The following RYR1 variants were observed in gnomAD, a reference collection of about 807,000 sequenced individuals.
The protein encoded by RYR1 is central core disease of muscle.
Under a neutral mutation model 583.5 loss-of-function variants are expected in RYR1, and 342 were observed. The ratio of observed to expected loss-of-function variants is 0.59; its 90% CI spans 0.54 to 0.64. RYR1 has a LOEUF of 0.64. RYR1 is among the 30% of genes least tolerant of loss of function. The pLI is 0.00. For missense variants in RYR1, 6,032 were observed against 6,917.2 expected (o/e 0.87, Z 4.54); for synonymous variants, 2,791 against 2,822.5 (o/e 0.99, Z 0.35).
intron 89 of RYR1, among the ~76,000 whole-genome samples, chr19:38,550,723 C>T (rs901461253): frequency 6.6e-6 from 1 of 152,034 alleles, no homozygotes; most frequent in Non-Finnish European, 1.5e-5. Flanking sequence ...TTGGTTAACT[C>T]GGTGTTCACC....
In RYR1 at chr19:38,500,005, C is replaced by G; in HGVS notation, c.7312C>G (p.Pro2438Ala). ...ALIDLLGRCA[P>A]EMHLIQAGKG... ...GATCGACCTGCTCGGACGCTGTGCA[C>G]CAGAGATGCATGTGAGACCCTGAGC... The change falls in exon 45 of 106, where the codon CCA becomes GCA. Residue 2438 changes from proline to alanine, a missense_variant. Transcript: ENST00000359596. This position sits in a 1 kb window ranked among gnomAD's most constrained non-coding sequence, Gnocchi z 5.9. 6.2e-7 allele frequency: 1 copy of G among 1,614,024 alleles called. No homozygotes were observed. The highest frequency in any genetic ancestry group is 2.2e-5 in the East Asian group (1 of 44,874).
intron 2 of RYR1, among the ~76,000 whole-genome samples, chr19:38,442,077 G>T (rs1400348364): frequency 6.6e-6 from 1 of 151,890 alleles, no homozygotes; most frequent in Non-Finnish European, 1.5e-5. Context: ...ACGGGTTAGT[G>T]GGGAGGGTTA....
intron 12 of RYR1, among the ~76,000 whole-genome samples, chr19:38,452,126 C>A (rs1306271723): frequency 1.7e-4 from 12 of 68,868 alleles, no homozygotes; most frequent in Non-Finnish European, 2.1e-4. Context: ...CCGCCTCTAC[C>A]AAAAAAAAAA....
intron 69 of RYR1, chr19:38,523,679 C>A (rs1971326637): frequency 1.6e-6 from 1 of 620,092 alleles, no homozygotes; most frequent in East Asian, 2.7e-5. Context: ...CCATTTCTTT[C>A]TTCCTCTCCC....
chr19:38,577,918 G>C lies in RYR1; in HGVS notation c.14173G>C (p.Val4725Leu), dbSNP rs1049117716. The C allele has an allele frequency of 6.2e-7, 1 of 1,614,064 alleles. No individual in the cohort carries two copies. The highest frequency in any genetic ancestry group is 1.7e-5 in the Admixed American group (1 of 59,980). The change falls in exon 98 of 106, where the codon GTC becomes CTC. Residue 4725 changes from valine to leucine, a missense_variant and splice_region_variant. Physicochemically the swap from Val to Leu is conservative, Grantham distance 32. Coordinates refer to ENST00000359596, the MANE Select transcript of RYR1 (RefSeq NM_000540.3). ...NYWDKFVKRK[V>L]LDKHGDIYGR... ...CACAGCCTGATGCTCTCTTGTGCAG[G>C]TCCTGGACAAACATGGGGACATCTA...
At chr19:38,528,232 G>A (rs1337416692) in intron 73 of RYR1, 74 bp from the exon 74 acceptor site, 1 of 1,235,714 alleles carries the variant, frequency 8.1e-7, no homozygotes, top group South Asian at 1.2e-5. Flanking sequence ...GACACAGCTG[G>A]GCAGTTTCAT....
chr19:38,581,270 G>A (rs1291947362), intron 101 of RYR1, among the ~76,000 whole-genome samples: 1 of 152,122 alleles, frequency 6.6e-6, no homozygotes, highest in Non-Finnish European at 1.5e-5. Flanking sequence ...GTAGAGCCGG[G>A]GTTTCACCAT....
intron 102 of RYR1, among the ~76,000 whole-genome samples, chr19:38,585,414 A>T (rs1211198626): frequency 4.4e-4 from 65 of 147,120 alleles, no homozygotes; most frequent in African/African-American, 1.6e-3. Flanking sequence ...ATGTGTTTAT[A>T]TATATTTATA....
At chr19:38,490,330 A>G in intron 36 of RYR1, 54 bp downstream of exon 36, 1 of 1,520,478 alleles carries the variant, frequency 6.6e-7, no homozygotes, top group Non-Finnish European at 9.0e-7. Flanking sequence ...CAACCTCAAC[A>G]TCTCCTGACT....
rs199660276 is a variant in RYR1, at chr19:38,561,429, A to T, written c.12599A>T (p.Asn4200Ile). Residue 4200 changes from asparagine to isoleucine, a missense_variant, in exon 90 of 106, where the codon AAC becomes ATC. Asn to Ile is a moderately radical substitution (Grantham distance 149, BLOSUM62 -3). This residue lies in a region of RYR1 where 753 missense variants were observed against 759.6 expected (regional missense o/e 0.99). Transcript: ENST00000359596. This position sits in a 1 kb window ranked among gnomAD's most constrained non-coding sequence, Gnocchi z 4.8. ...ATCTACTTCGAGATCTCAGAGACCA[A>T]CCGCGCCCAGTGGGAGATGCCCCAG... ...ERIYFEISETNRAQWEMPQVK... is the reference protein window; with the variant it reads ...ERIYFEISETIRAQWEMPQVK... 1.9e-6 allele frequency: 3 copies of T among 1,610,190 alleles called. No homozygotes were observed. Among genetic ancestry groups the T allele is most frequent in the East Asian group, 2.2e-5 (1 of 44,856 alleles).
rs2145712058 is a variant in RYR1 at position 38,525,427 on chromosome 19, G to C, written c.10551G>C (p.Met3517Ile). The C allele has an allele frequency of 3.7e-6, 6 of 1,614,006 alleles. No individual in the cohort carries two copies. In the East Asian group the frequency reaches 1.3e-4, roughly 36 times the overall value. ...TSLIVATLKKMLPIGLNMCAP... is the reference protein window; with the variant it reads ...TSLIVATLKKILPIGLNMCAP... Reference sequence around the variant, plus strand: ...TGATCGTGGCCACACTGAAGAAGATGCTGCCCATCGGCCTGAATATGTGTG... The same window carrying C: ...TGATCGTGGCCACACTGAAGAAGATCCTGCCCATCGGCCTGAATATGTGTG... The change falls in exon 71 of 106, where the codon ATG becomes ATC. Residue 3517 changes from methionine (M) to isoleucine (I), a missense_variant. Transcript: ENST00000359596.
rs1966888885 is a variant in RYR1 at position 38,448,213 on chromosome 19, C to A, written c.801-142C>A. 4.2e-6 allele frequency: 4 copies of A among 947,446 alleles called. No individual in the cohort carries two copies. The African/African-American group carries it at 4.9e-5, about 12-fold the overall frequency. The allele number at this position is 947,446 out of a possible 1,614,324, so 58.7% of individuals were successfully genotyped here. On this transcript the variant is annotated intron_variant, in intron 9 of 105. Coordinates refer to ENST00000359596, the MANE Select transcript of RYR1 (RefSeq NM_000540.3). ...TTGGGAGGCCGAGGTGGGAGGATTG[C>A]TTGAGCCCTGGAGTTCAAGATCAGC...
At chr19:38,506,094 A>G in intron 54 of RYR1, 148 bp downstream of exon 54, 1 of 1,188,752 alleles carries the variant, frequency 8.4e-7, no homozygotes, top group Admixed American at 2.1e-5. Flanking sequence ...AGATCTGGGA[A>G]AGGAGAGGGC....
intron 39 of RYR1, among the ~76,000 whole-genome samples, chr19:38,495,702 TG>T (rs986505140): frequency 6.6e-6 from 1 of 152,052 alleles, no homozygotes; most frequent in African/African-American, 2.4e-5. Flanking sequence ...GAGCCTGCCT[TG>T]GGTGCACGCC....
Position 38,519,473 on chromosome 19 carries a change from T to A in RYR1, c.10259+19T>A. The A allele has an allele frequency of 6.3e-7, 1 of 1,581,062 alleles. No individual in the cohort carries two copies. The highest frequency in any genetic ancestry group is 8.6e-7 in the Non-Finnish European group (1 of 1,164,814). Reference sequence around the variant, plus strand: ...ACAACAGGTCAGCGGGGCCCCGCTGTCCCCATGCCCTCCGCCCCGACCTCC... The same window carrying A: ...ACAACAGGTCAGCGGGGCCCCGCTGACCCCATGCCCTCCGCCCCGACCTCC... On this transcript the variant is annotated intron_variant, in intron 67 of 105. Transcript: ENST00000359596.
At chr19:38,463,389 C>A (rs781769253) in intron 20 of RYR1, 34 bp from the exon 21 acceptor site, 20 of 1,585,592 alleles carry the variant, frequency 1.3e-5, no homozygotes, top group African/African-American at 9.4e-5. Context: ...GGTAGAGGGA[C>A]CTTGGGGTCT....
At position 38,485,557 on chromosome 19, in the gene RYR1, T is replaced by C. The variant is rs370971702; in HGVS notation, c.4935-33T>C. The C allele has an allele frequency of 6.5e-5, 104 of 1,604,920 alleles. No individual in the cohort carries two copies. The African/African-American group carries it at 1.1e-3, about 18-fold the overall frequency. On this transcript the variant is annotated intron_variant, in intron 33 of 105. Coordinates refer to ENST00000359596, the MANE Select transcript of RYR1 (RefSeq NM_000540.3). Reference sequence around the variant, plus strand: ...TTGACTGATGCAGGAGGCTCATTCATCTGTCCCTGTCTGTTTCCCACCTCT... The same window carrying C: ...TTGACTGATGCAGGAGGCTCATTCACCTGTCCCTGTCTGTTTCCCACCTCT...
chr19:38,453,277 G>A lies in RYR1; in HGVS notation c.1440+263G>A, dbSNP rs1967186010. ...CAGGGCGTATGGCCGACCAGGGGGC[G>A]GGGCCTGGAGAGAAGGATGGAATAA... On this transcript the variant is annotated intron_variant, in intron 13 of 105. Coordinates refer to ENST00000359596, the MANE Select transcript of RYR1 (RefSeq NM_000540.3). Among the ~76,000 whole-genome samples the A allele has an allele frequency of 2.6e-5, 4 of 151,922 alleles. No individual in the cohort carries two copies. In the South Asian group the frequency reaches 6.2e-4, roughly 24 times the overall value.
In RYR1 at chr19:38,565,244, G is replaced by T; in HGVS notation, c.12910G>T (p.Ala4304Ser). 1.0e-6 allele frequency: 1 copy of T among 989,910 alleles called. No homozygotes were observed. The allele number at this position is 989,910 out of a possible 1,614,324, so 61.3% of individuals were successfully genotyped here. Reference protein sequence around the residue: ...TARVVAAAGRALRGLSYRSLR... With the variant: ...TARVVAAAGRSLRGLSYRSLR... Reference sequence around the variant, plus strand: ...GCGGGTTGTGGCGGCCGCAGGCCGGGCCCTGCGAGGCCTCAGCTACCGCAG... The same window carrying T: ...GCGGGTTGTGGCGGCCGCAGGCCGGTCCCTGCGAGGCCTCAGCTACCGCAG... Residue 4304 changes from alanine (A) to serine (S), a missense_variant, in exon 91 of 106, where the codon GCC (alanine) becomes TCC (serine). Physicochemically the swap from Ala to Ser is moderately conservative, Grantham distance 99. Around this residue, in one of 11 missense-constraint regions of RYR1, gnomAD observed 753 missense variants for 759.6 expected, o/e 0.99. Transcript: ENST00000359596. This position sits in a 1 kb window ranked among gnomAD's most constrained non-coding sequence, Gnocchi z 4.7.
Sources: gnomAD v4.1 joint callset for allele counts (sites outside exome capture counted in the v4.1 genomes callset) on GRCh38, gnomAD v4.1.1 for gene constraint, gnomAD v4.1.1 regional missense constraint, Gnocchi (gnomAD v3.1) non-coding constraint, MANE v1.5 for transcripts, NCBI Gene and HGNC (gene_info 2026-07-23, HGNC 2026-07-21) for gene names.